The following ASTN2 variants were observed in gnomAD, a reference collection of about 807,000 sequenced individuals.
ASTN2 encodes astrotactin-2.
A neutral mutation model predicts 139.8 loss-of-function variants in ASTN2; 54 were observed. The ratio of observed to expected loss-of-function variants is 0.39; its 90% CI spans 0.31 to 0.48. The LOEUF (loss-of-function observed/expected upper bound fraction) is 0.48. Ranked by LOEUF, ASTN2 falls within the 20% of genes least tolerant of loss-of-function variation. The probability of loss-of-function intolerance (pLI) is 0.95; values close to 1 mark genes in which losing one functional copy is unlikely to be tolerated. For missense variants in ASTN2, 1,565 were observed against 1,725.1 expected (o/e 0.91, Z 1.64); for synonymous variants, 756 against 719.5 (o/e 1.05, Z -0.81).
At chr9:117,016,644 ATATATATATATAACC>A (rs1837703544) in intron 6 of ASTN2, among the ~76,000 whole-genome samples, 6 of 94,932 alleles carry the variant, frequency 6.3e-5, no homozygotes, top group African/African-American at 2.4e-4. Context: ...ATATATATAT[ATATATATATATAACC>A]TATATATATG....
chr9:116,946,030 AAAGGAGGAAGTGCCACACTTAC>A (rs1835384666), intron 10 of ASTN2, among the ~76,000 whole-genome samples: 1 of 152,196 alleles, frequency 6.6e-6, no homozygotes, highest in Non-Finnish European at 1.5e-5. Context: ...ACGTGTGTGC[AAAGGAGGAAGTGCCACACTTAC>A]AAATAATCAG....
intron 7 of ASTN2, among the ~76,000 whole-genome samples, chr9:116,984,360 G>C (rs1218910933): frequency 6.6e-6 from 1 of 152,148 alleles, no homozygotes; most frequent in Non-Finnish European, 1.5e-5. Context: ...TTGCCTTCAG[G>C]GTAGAAGTCA....
At chr9:116,452,454 G>A (rs113824342) in intron 20 of ASTN2, among the ~76,000 whole-genome samples, 134 of 152,314 alleles carry the variant, frequency 8.8e-4, no homozygotes, top group African/African-American at 3.1e-3. Flanking sequence ...TAACCCCATG[G>A]TGACGGTGTG....
At chr9:116,660,145 T>C (rs1858468479) in intron 16 of ASTN2, among the ~76,000 whole-genome samples, 1 of 149,968 alleles carries the variant, frequency 6.7e-6, no homozygotes, top group Admixed American at 6.7e-5. Context: ...TTGTGATGTA[T>C]GTGTTGTGTT....
intron 16 of ASTN2, among the ~76,000 whole-genome samples, chr9:116,719,838 C>A (rs781763980): frequency 1.6e-4 from 24 of 152,008 alleles, no homozygotes; most frequent in Non-Finnish European, 2.4e-4. Context: ...GAAACAAACA[C>A]AGAAAGTGCC....
At chr9:117,286,678 A>G (rs1307530570) in intron 2 of ASTN2, among the ~76,000 whole-genome samples, 1 of 152,206 alleles carries the variant, frequency 6.6e-6, no homozygotes, top group Non-Finnish European at 1.5e-5. Context: ...TTGCACCTGT[A>G]GTCAAATCAC....
intron 10 of ASTN2, among the ~76,000 whole-genome samples, chr9:116,934,309 C>T (rs1307748710): frequency 6.6e-6 from 1 of 152,042 alleles, no homozygotes; most frequent in Non-Finnish European, 1.5e-5. Context: ...GCCCAGGAGT[C>T]CCCATCAGGA....
intron 20 of ASTN2, among the ~76,000 whole-genome samples, chr9:116,477,656 A>C (rs1849026136): frequency 6.6e-6 from 1 of 151,950 alleles, no homozygotes; most frequent in African/African-American, 2.4e-5. Context: ...AGAAGTGATA[A>C]GAAAAGGAGA....
chr9:116,442,393 G>T, intron 21 of ASTN2, 60 bp downstream of exon 21: 1 of 1,286,830 alleles, frequency 7.8e-7, no homozygotes, highest in Non-Finnish European at 1.1e-6. Context: ...GTGACTGTTG[G>T]GTGCAGAACT....
chr9:117,177,084 G>A (rs1022624946), intron 3 of ASTN2, among the ~76,000 whole-genome samples: 1 of 152,162 alleles, frequency 6.6e-6, no homozygotes, highest in African/African-American at 2.4e-5. Flanking sequence ...CCAAAGAACA[G>A]TAATCCTGAT....
chr9:117,090,174 C>T (rs950137601), intron 5 of ASTN2, among the ~76,000 whole-genome samples: 13 of 152,200 alleles, frequency 8.5e-5, no homozygotes, highest in African/African-American at 3.1e-4. Context: ...TTGCCTATGG[C>T]AGGTTTCACA....
intron 5 of ASTN2, among the ~76,000 whole-genome samples, chr9:117,042,329 T>C (rs2132652682): frequency 6.6e-6 from 1 of 152,322 alleles, no homozygotes; most frequent in Middle Eastern, 3.4e-3. Context: ...CTTCATCATC[T>C]TTGTGTTTCT....
intron 6 of ASTN2, among the ~76,000 whole-genome samples, chr9:117,039,054 TG>T (rs1838475656): frequency 6.6e-6 from 1 of 152,296 alleles, no homozygotes; most frequent in African/African-American, 2.4e-5. Context: ...AAATACTCTT[TG>T]GGGGGCATTT....
intron 2 of ASTN2, among the ~76,000 whole-genome samples, chr9:117,229,843 G>A (rs1832832897): frequency 6.6e-6 from 1 of 152,038 alleles, no homozygotes; most frequent in African/African-American, 2.4e-5. Flanking sequence ...GACCACTTCA[G>A]AGAAAGTCTT....
At chr9:117,107,302 C>T (rs1353893823) in intron 4 of ASTN2, among the ~76,000 whole-genome samples, 2 of 152,104 alleles carry the variant, frequency 1.3e-5, no homozygotes, top group African/African-American at 4.8e-5. Flanking sequence ...CCCTATGCAT[C>T]CCCATGTAGA....
At chr9:117,147,077 G>C (rs1228603007) in intron 3 of ASTN2, among the ~76,000 whole-genome samples, 1 of 151,996 alleles carries the variant, frequency 6.6e-6, no homozygotes, top group Non-Finnish European at 1.5e-5. Context: ...GGATAAAAGG[G>C]GGTGGACCCT....
chr9:116,598,505 T>C (rs1854701822), intron 19 of ASTN2, among the ~76,000 whole-genome samples: 1 of 152,234 alleles, frequency 6.6e-6, no homozygotes, highest in Non-Finnish European at 1.5e-5. Flanking sequence ...TTGTGGTTTT[T>C]GCCATTGAAA....
intron 5 of ASTN2, among the ~76,000 whole-genome samples, chr9:117,093,088 C>T (rs1034506091): frequency 1.3e-5 from 2 of 152,180 alleles, no homozygotes; most frequent in African/African-American, 4.8e-5. Flanking sequence ...ATGTCCCATT[C>T]ACACACAAGT....
intron 16 of ASTN2, chr9:116,687,179 C>T: frequency 9.4e-7 from 1 of 1,060,990 alleles, no homozygotes; most frequent in Non-Finnish European, 1.1e-6. Context: ...CAGAGGAAAG[C>T]TCACCCCTGC....
Sources: gnomAD v4.1 joint callset for allele counts (sites outside exome capture counted in the v4.1 genomes callset) on GRCh38, gnomAD v4.1.1 for gene constraint, MANE v1.5 for transcripts, NCBI Gene and HGNC (gene_info 2026-07-23, HGNC 2026-07-21) for gene names.